Variants in MAP3K13 observed in about 807,000 individuals in gnomAD.
MAP3K13 encodes mitogen-activated protein kinase kinase kinase 13.
Under a neutral mutation model 104.0 loss-of-function variants are expected in MAP3K13, and 52 were observed. The ratio of observed to expected loss-of-function variants is 0.50; its 90% CI spans 0.40 to 0.63. The LOEUF (loss-of-function observed/expected upper bound fraction) is 0.63, where lower values mean the gene tolerates loss of function less well. Ranked by LOEUF, MAP3K13 falls within the 20% of genes least tolerant of loss-of-function variation. The pLI is 0.00. For missense variants in MAP3K13, 914 were observed against 1,218.5 expected, an observed-to-expected ratio of 0.75 and a Z score of 3.72; for synonymous variants, 394 against 442.2, an observed-to-expected ratio of 0.89 and a Z score of 1.37.
intron 2 of MAP3K13, among the ~76,000 whole-genome samples, chr3:185,308,906 T>C (rs962300997): frequency 1.3e-5 from 2 of 152,186 alleles, no homozygotes; most frequent in African/African-American, 4.8e-5. Context: ...TGGGATACTG[T>C]GACTTTTTAA....
chr3:185,456,470 A>T (rs1173036282), intron 7 of MAP3K13, among the ~76,000 whole-genome samples: 1 of 152,114 alleles, frequency 6.6e-6, no homozygotes, highest in Admixed American at 6.6e-5. Flanking sequence ...CTGGATGAGA[A>T]ATCTTTATCT....
intron 2 of MAP3K13, among the ~76,000 whole-genome samples, chr3:185,311,589 C>A (rs1347109260): frequency 2.0e-5 from 3 of 152,250 alleles, no homozygotes; most frequent in Non-Finnish European, 4.4e-5. Context: ...TTCTTGGCAG[C>A]CTGGGGAGGT....
At chr3:185,294,054 C>T (rs932535495) in intron 2 of MAP3K13, among the ~76,000 whole-genome samples, 2 of 152,022 alleles carry the variant, frequency 1.3e-5, no homozygotes, top group Non-Finnish European at 2.9e-5. Flanking sequence ...GCAAACAAAA[C>T]CCTCCTTTTA....
At chr3:185,351,840 A>C (rs1723149820) in intron 2 of MAP3K13, among the ~76,000 whole-genome samples, 1 of 152,344 alleles carries the variant, frequency 6.6e-6, no homozygotes, top group Middle Eastern at 3.4e-3. Flanking sequence ...GCAACCCTAA[A>C]GCAGGCAGGT....
chr3:185,286,794 G>A (rs1720529524), intron 2 of MAP3K13, among the ~76,000 whole-genome samples: 1 of 151,892 alleles, frequency 6.6e-6, no homozygotes, highest in Admixed American at 6.6e-5. Flanking sequence ...TGAGACTAGA[G>A]GCCTAGAGTA....
chr3:185,310,384 C>T (rs1029325785), intron 2 of MAP3K13, among the ~76,000 whole-genome samples: 9 of 152,044 alleles, frequency 5.9e-5, no homozygotes, highest in East Asian at 1.9e-4. Context: ...AAAAACACAA[C>T]CATTTTCAAG....
At chr3:185,459,792 A>G (rs1006930226) in intron 7 of MAP3K13, among the ~76,000 whole-genome samples, 1 of 152,158 alleles carries the variant, frequency 6.6e-6, no homozygotes, top group African/African-American at 2.4e-5. Context: ...GGCATTAATT[A>G]CATTCACAAT....
At chr3:185,466,163 G>A (rs1295429749) in intron 9 of MAP3K13, among the ~76,000 whole-genome samples, 2 of 152,172 alleles carry the variant, frequency 1.3e-5, no homozygotes, top group Admixed American at 1.3e-4. Context: ...TGCCCCCTGG[G>A]GAAATGTATT....
Position 185,443,617 on chromosome 3 carries a change from C to T in MAP3K13, c.832C>T (p.Arg278Cys). ...NYLHLHKIIH[R>C]DLKSPNVLVT... ...TTTGCACCTCCATAAAATTATTCAT[C>T]GTGATCTCAAATCACCTAAGTGAGT... The change falls in exon 4 of 14, where the codon CGT (arginine) becomes TGT (cysteine). Residue 278 changes from arginine to cysteine, a missense_variant. Arg to Cys is a radical substitution (Grantham distance 180). Around this residue, in one of 3 missense-constraint regions of MAP3K13, gnomAD observed 175 missense variants for 321.3 expected, o/e 0.54. Coordinates refer to ENST00000265026, the MANE Select transcript of MAP3K13 (RefSeq NM_004721.5). 6.2e-7 allele frequency: 1 copy of T among 1,613,804 alleles called. No individual in the cohort carries two copies. The highest frequency in any genetic ancestry group is 8.5e-7 in the Non-Finnish European group (1 of 1,179,766).
At chr3:185,441,965 C>T (rs567960717) in intron 3 of MAP3K13, among the ~76,000 whole-genome samples, 6 of 148,994 alleles carry the variant, frequency 4.0e-5, no homozygotes, top group South Asian at 2.2e-4. Flanking sequence ...TGCTTGAACC[C>T]GGGAGGTGGA....
chr3:185,373,638 T>C (rs1724267650), intron 1 of MAP3K13, among the ~76,000 whole-genome samples: 1 of 152,136 alleles, frequency 6.6e-6, no homozygotes, highest in Admixed American at 6.5e-5. Context: ...AGAGCCTCCA[T>C]TTCAAAAAAC....
In MAP3K13 at chr3:185,423,231, TC is replaced by T. The variant is rs1714234013; in HGVS notation, c.-85-5260del. On this transcript the variant is annotated intron_variant, in intron 1 of 13. Coordinates refer to ENST00000265026, the MANE Select transcript of MAP3K13 (RefSeq NM_004721.5). The surrounding 1 kb of genome is among the most constrained non-coding windows in gnomAD (Gnocchi z 4.1). ...ATGCACTTGAACCATCTTGAAACCATCCCCCCTGCCTGGTCCGTGGAAGTAG... is the reference window on the plus strand; with the variant it reads ...ATGCACTTGAACCATCTTGAAACCATCCCCCTGCCTGGTCCGTGGAAGTAG... Among the ~76,000 whole-genome samples the T allele has an allele frequency of 6.6e-6, 1 of 152,010 alleles. No individual in the cohort carries two copies. The highest frequency in any genetic ancestry group is 2.1e-4 in the South Asian group (1 of 4,822).
chr3:185,317,648 A>G (rs1225306901), intron 2 of MAP3K13, among the ~76,000 whole-genome samples: 1 of 152,208 alleles, frequency 6.6e-6, no homozygotes, highest in East Asian at 1.9e-4. Flanking sequence ...AAGCCATATC[A>G]AGAGTAAATT....
chr3:185,316,505 G>A (rs749777087), intron 2 of MAP3K13, among the ~76,000 whole-genome samples: 1 of 152,152 alleles, frequency 6.6e-6, no homozygotes, highest in Non-Finnish European at 1.5e-5. Flanking sequence ...GCTGGGTGTG[G>A]TGGCACATGC....
At chr3:185,335,649 A>G (rs1400433656) in intron 2 of MAP3K13, among the ~76,000 whole-genome samples, 1 of 152,222 alleles carries the variant, frequency 6.6e-6, no homozygotes, top group Non-Finnish European at 1.5e-5. Context: ...TATAAAACCT[A>G]TGTAACCTAT....
intron 1 of MAP3K13, among the ~76,000 whole-genome samples, chr3:185,424,161 C>T (rs565477945): frequency 5.3e-5 from 8 of 152,262 alleles, no homozygotes; most frequent in South Asian, 4.1e-4. Flanking sequence ...GAAAATAACC[C>T]GGTATTTCAT....
intron 5 of MAP3K13, among the ~76,000 whole-genome samples, chr3:185,449,371 TAAA>T (rs61621090): frequency 1.9e-4 from 15 of 80,782 alleles, no homozygotes; most frequent in Non-Finnish European, 2.7e-4. Flanking sequence ...AGATGCTGTC[TAAA>T]AAAAAAAAAA....
intron 2 of MAP3K13, among the ~76,000 whole-genome samples, chr3:185,430,393 C>G (rs1309966479): frequency 1.3e-5 from 2 of 152,040 alleles, no homozygotes; most frequent in Non-Finnish European, 2.9e-5. Context: ...ATTTACTGTA[C>G]AGATTATTTC....
At chr3:185,391,150 C>T (rs1712029916) in intron 1 of MAP3K13, among the ~76,000 whole-genome samples, 1 of 152,150 alleles carries the variant, frequency 6.6e-6, no homozygotes, top group African/African-American at 2.4e-5. Flanking sequence ...GTGCAACCAT[C>T]ACCACTGCCA....
Sources: allele counts gnomAD v4.1 joint callset (sites outside exome capture counted in the v4.1 genomes callset), GRCh38; gene constraint gnomAD v4.1.1; regional missense constraint gnomAD v4.1.1; non-coding constraint Gnocchi (gnomAD v3.1); transcripts MANE v1.5; gene names NCBI Gene and HGNC (gene_info 2026-07-23, HGNC 2026-07-21).